The following CSNK1G3 variants were observed in gnomAD, a reference collection of about 807,000 sequenced individuals.
CSNK1G3 encodes the protein casein kinase 1 gamma 3, also known as casein kinase I isoform gamma-3.
CSNK1G3 carries 23 observed loss-of-function variants against 64.3 expected under a neutral mutation model. That is an observed-to-expected ratio of 0.36 (90% CI 0.26 to 0.51). The LOEUF is 0.51. Among genes scored for constraint, CSNK1G3 ranks in the 20% least tolerant of loss-of-function variants. The pLI, the probability that CSNK1G3 is intolerant of heterozygous loss-of-function variation, is 0.96. For missense variants in CSNK1G3, 357 were observed against 510.5 expected, an observed-to-expected ratio of 0.70 and a Z score of 2.90; for synonymous variants, 158 against 162.2, an observed-to-expected ratio of 0.97 and a Z score of 0.20.
intron 9 of CSNK1G3, among the ~76,000 whole-genome samples, chr5:123,591,021 C>A (rs1475122834): frequency 6.6e-6 from 1 of 151,786 alleles, no homozygotes; most frequent in Non-Finnish European, 1.5e-5. Flanking sequence ...ACATTTTTAT[C>A]ATGTTGATAT....
chr5:123,550,061 TTCA>T (rs1401496427), intron 2 of CSNK1G3, among the ~76,000 whole-genome samples: 2 of 152,204 alleles, frequency 1.3e-5, no homozygotes, highest in Non-Finnish European at 2.9e-5. Context: ...TTTGGATGGG[TTCA>T]TCATTTTCAT....
At chr5:123,569,792 A>G (rs893527338) in intron 4 of CSNK1G3, among the ~76,000 whole-genome samples, 11 of 86,728 alleles carry the variant, frequency 1.3e-4, no homozygotes, top group Non-Finnish European at 2.0e-4. Context: ...TTGAATAGAA[A>G]AGTTAAAAGT....
At chr5:123,538,695 C>T (rs1283473411) in intron 1 of CSNK1G3, among the ~76,000 whole-genome samples, 2 of 152,094 alleles carry the variant, frequency 1.3e-5, no homozygotes, top group East Asian at 1.9e-4. Context: ...CAAACCTGCA[C>T]GTTCTGCACA....
rs114117839 is a variant in CSNK1G3 at position 123,599,663 on chromosome 5, T to A, written c.1087-5061T>A. On this transcript the variant is annotated intron_variant, in intron 10 of 12. Coordinates refer to ENST00000345990, the Ensembl canonical transcript of CSNK1G3. ...ACAAAATATTTGAAAATGCAGTTATTAACAAGGAACAAAATCTAGTGACTA... is the reference window on the plus strand; with the variant it reads ...ACAAAATATTTGAAAATGCAGTTATAAACAAGGAACAAAATCTAGTGACTA... 8.7e-3 allele frequency among the ~76,000 whole-genome samples: 1,330 copies of A among 152,302 alleles called. 25 individuals are homozygous for A. Among genetic ancestry groups the A allele is most frequent in the African/African-American group, 0.03 (1,230 of 41,564 alleles).
intron 1 of CSNK1G3, among the ~76,000 whole-genome samples, chr5:123,521,158 T>C (rs1778027422): frequency 6.6e-6 from 1 of 152,148 alleles, no homozygotes; most frequent in Non-Finnish European, 1.5e-5. Context: ...AAAAAGTGTT[T>C]ATAGATGCAT....
intron 4 of CSNK1G3, among the ~76,000 whole-genome samples, chr5:123,572,986 C>T (rs931061870): frequency 6.6e-6 from 1 of 152,176 alleles, no homozygotes; most frequent in Non-Finnish European, 1.5e-5. Flanking sequence ...CAGTGGTGAT[C>T]TTAGCAGTAT....
intron 4 of CSNK1G3, among the ~76,000 whole-genome samples, chr5:123,564,234 T>C (rs1364904428): frequency 6.6e-6 from 1 of 152,052 alleles, no homozygotes; most frequent in Non-Finnish European, 1.5e-5. Context: ...AAAGAGGTGT[T>C]AACTGATAGT....
In CSNK1G3 at chr5:123,600,917, T is replaced by TA. The variant is rs1382861978; in HGVS notation, c.1087-3806dup. On this transcript the variant is annotated intron_variant, in intron 10 of 12. Transcript: ENST00000345990. ...AGTCTAGTTGCCTTTTTTTTTTTTT[T>TA]ATCTTCTTAAAATAAGAACCGTATT... is the stretch of plus-strand genomic sequence containing the variant. Among the ~76,000 whole-genome samples, 208 of 151,230 alleles carry TA rather than the reference T, an allele frequency of 1.4e-3. 1 individual carries two copies. The highest frequency in any genetic ancestry group is 0.01 in the Middle Eastern group (3 of 292).
At chr5:123,536,622 T>C (rs2150152639) in intron 1 of CSNK1G3, among the ~76,000 whole-genome samples, 1 of 152,212 alleles carries the variant, frequency 6.6e-6, no homozygotes, top group African/African-American at 2.4e-5. Context: ...TACTCTGATG[T>C]GATCACTATA....
intron 6 of CSNK1G3, among the ~76,000 whole-genome samples, chr5:123,576,967 C>T (rs773388795): frequency 1.3e-5 from 2 of 152,036 alleles, no homozygotes; most frequent in African/African-American, 2.4e-5. Flanking sequence ...CCTTCTCCCC[C>T]AGTTATTGAC....
chr5:123,594,947 A>G, intron 10 of CSNK1G3, 92 bp from the exon 11 acceptor site: 2 of 997,220 alleles, frequency 2.0e-6, no homozygotes, highest in Non-Finnish European at 1.5e-6. Context: ...ATTTCCTTTT[A>G]TACGTTTGTT....
At chr5:123,534,306 A>G (rs1780450011) in intron 1 of CSNK1G3, among the ~76,000 whole-genome samples, 1 of 152,116 alleles carries the variant, frequency 6.6e-6, no homozygotes, top group Non-Finnish European at 1.5e-5. Flanking sequence ...TAGGAGCTAA[A>G]TGGGATTCTA....
At chr5:123,551,832 T>C (rs908122644) in intron 2 of CSNK1G3, among the ~76,000 whole-genome samples, 4 of 152,202 alleles carry the variant, frequency 2.6e-5, no homozygotes, top group Non-Finnish European at 4.4e-5. Context: ...TTTTCCTCAC[T>C]ATAAAAGTAA....
At chr5:123,572,676 T>C (rs1788356705) in intron 4 of CSNK1G3, among the ~76,000 whole-genome samples, 1 of 152,200 alleles carries the variant, frequency 6.6e-6, no homozygotes, top group African/African-American at 2.4e-5. Context: ...CAAGGATTCC[T>C]ATCTGGCATG....
exon 4 of CSNK1G3, chr5:123,557,512 A>T: frequency 6.2e-7 from 1 of 1,608,254 alleles, no homozygotes; most frequent in South Asian, 1.1e-5. Flanking sequence ...TGAAATCAAG[A>T]GCACCACAGC....
intron 10 of CSNK1G3, among the ~76,000 whole-genome samples, chr5:123,595,927 T>TA (rs1294865639): frequency 2.6e-5 from 4 of 152,096 alleles, no homozygotes; most frequent in Non-Finnish European, 4.4e-5. Flanking sequence ...GTAAGTGAGA[T>TA]AACAAATGTT....
intron 1 of CSNK1G3, among the ~76,000 whole-genome samples, chr5:123,528,685 A>G (rs1779446974): frequency 1.3e-5 from 2 of 152,302 alleles, no homozygotes; most frequent in South Asian, 2.1e-4. Context: ...TGCCTAGTCC[A>G]TTAATTTACT....
chr5:123,573,297 T>G, intron 4 of CSNK1G3, 96 bp from the exon 5 acceptor site: 1 of 1,332,306 alleles, frequency 7.5e-7, no homozygotes, highest in Non-Finnish European at 1.1e-6. Flanking sequence ...CTGCTTTAGT[T>G]CTTGAAACTA....
chr5:123,583,038 G>T (rs1480331719), intron 6 of CSNK1G3, among the ~76,000 whole-genome samples: 2 of 152,122 alleles, frequency 1.3e-5, no homozygotes, highest in African/African-American at 4.8e-5. Context: ...ACTGTTCTCT[G>T]ATAGAACCAT....
Sources: gnomAD v4.1 joint callset for allele counts (sites outside exome capture counted in the v4.1 genomes callset) on GRCh38, gnomAD v4.1.1 for gene constraint, MANE v1.5 for transcripts, NCBI Gene and HGNC (gene_info 2026-07-23, HGNC 2026-07-21) for gene names.